The following CTNNA2 variants were observed in gnomAD, a reference collection of about 807,000 sequenced individuals.
CTNNA2 encodes catenin alpha 2, also known as catenin alpha-2.
A neutral mutation model predicts 101.0 loss-of-function variants in CTNNA2; 42 were observed. The ratio of observed to expected loss-of-function variants is 0.42; its 90% CI spans 0.32 to 0.54. The LOEUF (loss-of-function observed/expected upper bound fraction) is 0.54. Among genes scored for constraint, CTNNA2 ranks in the 20% least tolerant of loss-of-function variants. CTNNA2 has a pLI of 0.14. For missense variants in CTNNA2, 871 were observed against 1,223.1 expected (o/e 0.71, Z 4.29); for synonymous variants, 450 against 456.4 (o/e 0.99, Z 0.18).
chr2:79,895,043 C>T (rs900486629), intron 6 of CTNNA2, among the ~76,000 whole-genome samples: 23 of 152,246 alleles, frequency 1.5e-4, no homozygotes, highest in Non-Finnish European at 2.6e-4. Flanking sequence ...CCAATGGGCA[C>T]GCATCATCTT....
intron 2 of CTNNA2, among the ~76,000 whole-genome samples, chr2:79,252,403 G>C (rs1296289500): frequency 6.6e-6 from 1 of 151,786 alleles, no homozygotes; most frequent in African/African-American, 2.4e-5. Context: ...TCAGAGATTG[G>C]TAAAATCTTC....
intron 7 of CTNNA2, among the ~76,000 whole-genome samples, chr2:80,095,876 A>T (rs149599511): frequency 0.22 from 32,998 of 151,238 alleles, 4,353 homozygotes; most frequent in East Asian, 0.51. Flanking sequence ...TTATTGCGTC[A>T]ATTTGATTCT....
intron 3 of CTNNA2, among the ~76,000 whole-genome samples, chr2:79,770,509 A>G (rs746167965): frequency 6.6e-6 from 1 of 152,202 alleles, no homozygotes; most frequent in Non-Finnish European, 1.5e-5. Context: ...GGGTAACACT[A>G]AAGATGAACA....
chr2:79,655,553 G>A (rs1681549950), intron 2 of CTNNA2, among the ~76,000 whole-genome samples: 1 of 152,038 alleles, frequency 6.6e-6, no homozygotes. Flanking sequence ...TTTTGGCTGG[G>A]CGTGGTGGCT....
intron 9 of CTNNA2, among the ~76,000 whole-genome samples, chr2:80,542,545 C>G (rs748337102): frequency 2.6e-5 from 4 of 151,864 alleles, no homozygotes; most frequent in Non-Finnish European, 5.9e-5. Flanking sequence ...ATGACTTGGT[C>G]TGGATCCATT....
intron 13 of CTNNA2, among the ~76,000 whole-genome samples, chr2:80,575,789 TAC>T (rs1694990908): frequency 6.6e-6 from 1 of 151,732 alleles, no homozygotes; most frequent in Admixed American, 6.6e-5. Context: ...CACACACACA[TAC>T]ACACACACAA....
At chr2:80,591,837 G>A (rs1696539524) in intron 15 of CTNNA2, among the ~76,000 whole-genome samples, 2 of 151,904 alleles carry the variant, frequency 1.3e-5, no homozygotes, top group South Asian at 2.1e-4. Context: ...AAATTGGGAG[G>A]GTTCTGCCTC....
At chr2:80,216,560 A>G (rs755466808) in intron 7 of CTNNA2, among the ~76,000 whole-genome samples, 2 of 152,300 alleles carry the variant, frequency 1.3e-5, no homozygotes, top group Non-Finnish European at 2.9e-5. Flanking sequence ...CTTTATAAGA[A>G]GAAGCCATAG....
In CTNNA2 at chr2:80,159,087, C is replaced by T. The variant is rs551277741; in HGVS notation, c.1057-234124C>T. ...CAGGTTTGGGCTATTATGAGTAAAG[C>T]CACGAAAAATATGTGTATCTAGTTT... On this transcript the variant is annotated intron_variant, in intron 7 of 18. Transcript: ENST00000402739. Among the ~76,000 whole-genome samples the T allele has an allele frequency of 2.0e-5, 3 of 152,200 alleles. No individual in the cohort carries two copies. The South Asian group carries it at 6.2e-4, about 32-fold the overall frequency.
rs566871166 is a variant in CTNNA2 at position 80,366,451 on chromosome 2, A to G, written c.1057-26760A>G. On this transcript the variant is annotated intron_variant, in intron 7 of 18. Coordinates refer to ENST00000402739, the MANE Select transcript of CTNNA2 (RefSeq NM_001282597.3). Reference sequence around the variant, plus strand: ...ATGCATGCATTTGTTTGTATAAAGTAGTTCACAGACGCATTTGCATATTTG... The same window carrying G: ...ATGCATGCATTTGTTTGTATAAAGTGGTTCACAGACGCATTTGCATATTTG... Among the ~76,000 whole-genome samples the G allele has an allele frequency of 1.8e-4, 28 of 152,260 alleles. No individual in the cohort carries two copies. The South Asian group carries it at 5.0e-3, about 27-fold the overall frequency.
chr2:80,309,528 G>A (rs1286429765), intron 7 of CTNNA2, among the ~76,000 whole-genome samples: 2 of 152,106 alleles, frequency 1.3e-5, no homozygotes, highest in African/African-American at 2.4e-5. Flanking sequence ...TGGGATTTCT[G>A]CTTTGCCACT....
Position 79,227,653 on chromosome 2 carries a change from T to A in CTNNA2, c.-406+29577T>A, listed in dbSNP as rs78204932. ...ACACTATATCATAGTTTATTAAGTG[T>A]GAAATAGCATTATGTCTAAAATAAT... On this transcript the variant is annotated intron_variant, in intron 2 of 21. Transcript: ENST00000466387. Among the ~76,000 whole-genome samples the A allele has an allele frequency of 5.9e-3, 893 of 152,320 alleles. 4 individuals carry two copies. The highest frequency in any genetic ancestry group is 0.021 in the African/African-American group (870 of 41,570).
intron 3 of CTNNA2, among the ~76,000 whole-genome samples, chr2:79,814,585 G>T (rs1303376577): frequency 2.0e-5 from 3 of 149,186 alleles, no homozygotes; most frequent in Non-Finnish European, 3.0e-5. Flanking sequence ...TGGCTGTGTA[G>T]TATTCCATTA....
chr2:79,589,511 G>GT (rs1326844121), intron 1 of CTNNA2, among the ~76,000 whole-genome samples: 21 of 151,530 alleles, frequency 1.4e-4, no homozygotes, highest in African/African-American at 5.1e-4. Flanking sequence ...CATTTAGAAG[G>GT]TAAGACATAC....
chr2:79,910,914 G>A (rs1685748742), intron 7 of CTNNA2, among the ~76,000 whole-genome samples: 1 of 152,050 alleles, frequency 6.6e-6, no homozygotes, highest in Non-Finnish European at 1.5e-5. Context: ...CACTGAGAAA[G>A]CAAAAAGATG....
chr2:80,364,683 T>C (rs1379690367), intron 7 of CTNNA2, among the ~76,000 whole-genome samples: 1 of 151,650 alleles, frequency 6.6e-6, no homozygotes, highest in Non-Finnish European at 1.5e-5. Flanking sequence ...CCCCAGGTAA[T>C]TGATGATCTG....
intron 7 of CTNNA2, among the ~76,000 whole-genome samples, chr2:80,387,803 G>T (rs568021537): frequency 2.3e-4 from 35 of 152,212 alleles, no homozygotes; most frequent in African/African-American, 8.2e-4. Context: ...TTCCCCAAAT[G>T]CGTTTTGTAA....
intron 2 of CTNNA2, among the ~76,000 whole-genome samples, chr2:79,668,341 G>C (rs1179159016): frequency 6.7e-6 from 1 of 149,132 alleles, no homozygotes; most frequent in African/African-American, 2.5e-5. Context: ...TTTATTTCTA[G>C]CCAGGTGGAT....
chr2:80,181,753 T>C lies in CTNNA2; in HGVS notation c.1057-211458T>C, dbSNP rs144481607. ...TCAAAGGTATTATGTATAGAGTCAC[T>C]GTATTCTTTGCCACTCACAAATGGT... On this transcript the variant is annotated intron_variant, in intron 7 of 18. Coordinates refer to ENST00000402739, the MANE Select transcript of CTNNA2 (RefSeq NM_001282597.3). 2.3e-3 allele frequency among the ~76,000 whole-genome samples: 358 copies of C among 152,354 alleles called. 3 individuals are homozygous for C. Among genetic ancestry groups the C allele is most frequent in the African/African-American group, 8.0e-3 (331 of 41,584 alleles).
Sources: allele counts gnomAD v4.1 joint callset (sites outside exome capture counted in the v4.1 genomes callset), GRCh38; gene constraint gnomAD v4.1.1; transcripts MANE v1.5; gene names NCBI Gene and HGNC (gene_info 2026-07-23, HGNC 2026-07-21).